Variants in CAP2 observed in about 807,000 individuals in gnomAD.
CAP2 encodes the protein cyclase associated actin cytoskeleton regulatory protein 2.
A neutral mutation model predicts 57.7 loss-of-function variants in CAP2; 24 were observed. The observed-to-expected ratio is 0.42, with a 90% CI of 0.30 to 0.58. The LOEUF is 0.58. Ranked by LOEUF, CAP2 falls within the 20% of genes least tolerant of loss-of-function variation. The probability of loss-of-function intolerance (pLI) is 0.22; values close to 1 mark genes in which losing one functional copy is unlikely to be tolerated. For missense variants in CAP2, 501 were observed against 590.3 expected, an observed-to-expected ratio of 0.85 and a Z score of 1.57; for synonymous variants, 194 against 207.2, an observed-to-expected ratio of 0.94 and a Z score of 0.55.
intron 1 of CAP2, among the ~76,000 whole-genome samples, chr6:17,394,029 C>T (rs1046739876): frequency 1.3e-5 from 2 of 149,698 alleles, no homozygotes; most frequent in Non-Finnish European, 3.0e-5. Context: ...GCGTCCTGGC[C>T]GCTCGGAAGG....
intron 12 of CAP2, among the ~76,000 whole-genome samples, chr6:17,554,671 C>A (rs1010696426): frequency 2.6e-5 from 4 of 152,248 alleles, no homozygotes; most frequent in African/African-American, 9.6e-5. Context: ...AGCTCATGAT[C>A]ATGGGCATCA....
chr6:17,521,647 G>C (rs996341724), intron 7 of CAP2, among the ~76,000 whole-genome samples: 1 of 152,172 alleles, frequency 6.6e-6, no homozygotes, highest in African/African-American at 2.4e-5. Context: ...GCGCATTCTA[G>C]CTGAAGAAGA....
chr6:17,495,511 T>A (rs1387560619), intron 4 of CAP2, among the ~76,000 whole-genome samples: 1 of 152,206 alleles, frequency 6.6e-6, no homozygotes, highest in Non-Finnish European at 1.5e-5. Context: ...GCTGGATTTA[T>A]ACACACCGTT....
rs567675285 is a variant in CAP2 at position 17,461,992 on chromosome 6, C to CAAAAAAAAAAAAAAAAAA, written c.223-990_223-973dup. ...TGGGCAACAGGGCGAGACTCCGTCT[C>CAAAAAAAAAAAAAAAAAA]AAAAAAAAAAAAAAAAAAAAAAAAA... On this transcript the variant is annotated intron_variant, in intron 3 of 12. Transcript: ENST00000229922. Among the ~76,000 whole-genome samples, 20 of 27,856 alleles carry CAAAAAAAAAAAAAAAAAA rather than the reference C, an allele frequency of 7.2e-4. 1 individual carries two copies. Among genetic ancestry groups the CAAAAAAAAAAAAAAAAAA allele is most frequent in the South Asian group, 5.7e-3 (2 of 348 alleles). The allele number at this position is 27,856 out of a possible 152,430, so 18.3% of individuals were successfully genotyped here. A position where few individuals can be genotyped will look rare whatever the true frequency, so the allele number is the denominator to read the frequency against.
At chr6:17,553,632 C>CAA (rs1190269006) in intron 12 of CAP2, among the ~76,000 whole-genome samples, 54 of 103,974 alleles carry the variant, frequency 5.2e-4, no homozygotes, top group East Asian at 2.3e-3. Flanking sequence ...GACTCCATCT[C>CAA]AAAAAAAAAA....
chr6:17,443,010 C>T (rs1581523563), intron 3 of CAP2, among the ~76,000 whole-genome samples: 1 of 152,162 alleles, frequency 6.6e-6, no homozygotes, highest in East Asian at 1.9e-4. Flanking sequence ...AGCCACTGGC[C>T]CCGGCTGGCC....
intron 3 of CAP2, among the ~76,000 whole-genome samples, chr6:17,444,382 TA>T (rs761474394): frequency 1.1e-4 from 17 of 152,286 alleles, no homozygotes; most frequent in Admixed American, 7.2e-4. Flanking sequence ...CTCACGCCTG[TA>T]ATCCCAGCAT....
At chr6:17,540,193 A>G (rs58640564) in intron 8 of CAP2, among the ~76,000 whole-genome samples, 1 of 152,320 alleles carries the variant, frequency 6.6e-6, no homozygotes, top group East Asian at 1.9e-4. Context: ...CCAAAATTCT[A>G]AATTTTTCTC....
intron 3 of CAP2, among the ~76,000 whole-genome samples, chr6:17,458,377 G>T (rs1342614238): frequency 6.6e-6 from 1 of 152,184 alleles, no homozygotes; most frequent in African/African-American, 2.4e-5. Context: ...TGTTAATGAT[G>T]ATTGAATTTG....
At chr6:17,436,555 C>G (rs569968492) in intron 3 of CAP2, among the ~76,000 whole-genome samples, 2 of 152,128 alleles carry the variant, frequency 1.3e-5, no homozygotes, top group Non-Finnish European at 2.9e-5. Flanking sequence ...ACTGCTACCC[C>G]AAGGTTTGGA....
intron 1 of CAP2, among the ~76,000 whole-genome samples, chr6:17,412,164 C>T (rs1413283890): frequency 6.6e-6 from 1 of 152,042 alleles, no homozygotes; most frequent in Non-Finnish European, 1.5e-5. Flanking sequence ...GGCCTCAGTT[C>T]TCACTGGGCT....
chr6:17,532,360 C>T (rs1443072936), intron 7 of CAP2, among the ~76,000 whole-genome samples: 1 of 150,360 alleles, frequency 6.7e-6, no homozygotes, highest in Non-Finnish European at 1.5e-5. Flanking sequence ...AGGCTGGTCT[C>T]GAACTCCTGA....
At position 17,513,515 on chromosome 6, in the gene CAP2, C is replaced by T. The variant is rs1374907899; in HGVS notation, c.531-334C>T. Among the ~76,000 whole-genome samples, 4 of 152,120 alleles carry T rather than the reference C, an allele frequency of 2.6e-5. No homozygotes were observed. The highest frequency in any genetic ancestry group is 9.7e-5 in the African/African-American group (4 of 41,412). ...GCAGTGCAGAAAGAAACAGTCTCCCCTCCACGCCCCCGTCACGTGAGGGCT... is the reference window on the plus strand; with the variant it reads ...GCAGTGCAGAAAGAAACAGTCTCCCTTCCACGCCCCCGTCACGTGAGGGCT... On this transcript the variant is annotated intron_variant, in intron 6 of 12. Coordinates refer to ENST00000229922, the MANE Select transcript of CAP2 (RefSeq NM_006366.3). The surrounding 1 kb of genome is among the most constrained non-coding windows in gnomAD (Gnocchi z 4.3).
intron 1 of CAP2, among the ~76,000 whole-genome samples, chr6:17,396,691 G>A (rs1554119120): frequency 6.6e-6 from 1 of 152,084 alleles, no homozygotes; most frequent in Non-Finnish European, 1.5e-5. Context: ...AGGTCACAGG[G>A]TTTCTTTTTG....
chr6:17,537,253 C>T lies in CAP2; in HGVS notation c.637-2016C>T, dbSNP rs139098128. Among the ~76,000 whole-genome samples, 1,403 of 152,172 alleles carry T rather than the reference C, an allele frequency of 9.2e-3. 21 individuals carry two copies. Among genetic ancestry groups the T allele is most frequent in the African/African-American group, 0.032 (1,312 of 41,512 alleles). On this transcript the variant is annotated intron_variant, in intron 7 of 12. Coordinates refer to ENST00000229922, the MANE Select transcript of CAP2 (RefSeq NM_006366.3). ...CCAGGCTGGGGTACAGTGGCGTGAT[C>T]TCAACTCACTGCAACCTCTGCCTCC...
At chr6:17,410,855 G>A (rs776131636) in intron 1 of CAP2, among the ~76,000 whole-genome samples, 1 of 152,104 alleles carries the variant, frequency 6.6e-6, no homozygotes, top group Non-Finnish European at 1.5e-5. Flanking sequence ...CACCATGCCT[G>A]GCCAGATTTA....
At chr6:17,445,341 A>G (rs368575209) in intron 3 of CAP2, among the ~76,000 whole-genome samples, 1 of 152,212 alleles carries the variant, frequency 6.6e-6, no homozygotes, top group Non-Finnish European at 1.5e-5. Flanking sequence ...TCCTGACCTC[A>G]GGTGATCCAC....
intron 1 of CAP2, among the ~76,000 whole-genome samples, chr6:17,397,818 A>G (rs1281449203): frequency 6.6e-6 from 1 of 150,796 alleles, no homozygotes; most frequent in African/African-American, 2.4e-5. Flanking sequence ...GTTGGTTCCC[A>G]TGTTTTGCTA....
intron 3 of CAP2, among the ~76,000 whole-genome samples, chr6:17,455,825 G>A (rs763671542): frequency 3.0e-4 from 45 of 152,120 alleles, no homozygotes; most frequent in African/African-American, 9.7e-4. Flanking sequence ...GTGAGCCACC[G>A]CGCCCAGCCT....
Sources: allele counts gnomAD v4.1 joint callset (sites outside exome capture counted in the v4.1 genomes callset), GRCh38; gene constraint gnomAD v4.1.1; non-coding constraint Gnocchi (gnomAD v3.1); transcripts MANE v1.5; gene names NCBI Gene and HGNC (gene_info 2026-07-23, HGNC 2026-07-21).